SNN: variants seen among roughly 807,000 people sequenced by gnomAD.
SNN encodes stannin.
Under a neutral mutation model 5.3 loss-of-function variants are expected in SNN, and 5 were observed. The ratio of observed to expected loss-of-function variants is 0.94; its 90% CI spans 0.49 to 1.97. The LOEUF (loss-of-function observed/expected upper bound fraction) is 1.97, where lower values mean the gene tolerates loss of function less well. Ranked by LOEUF, SNN falls within the 30% of genes most tolerant of loss-of-function variation. The probability of loss-of-function intolerance (pLI) is 0.01; values close to 1 mark genes in which losing one functional copy is unlikely to be tolerated. For missense variants in SNN, 127 were observed against 121.6 expected, an observed-to-expected ratio of 1.04 and a Z score of -0.21; for synonymous variants, 67 against 52.1, an observed-to-expected ratio of 1.29 and a Z score of -1.24.
In SNN at chr16:11,676,037, CG is replaced by C; in HGVS notation, c.-22del. The C allele has an allele frequency of 6.4e-7, 1 of 1,554,078 alleles. No homozygotes were observed. Among genetic ancestry groups the C allele is most frequent in the Non-Finnish European group, 8.7e-7 (1 of 1,145,892 alleles). ...TGGCCACCCCCAAAGTGCTGCCAGC[CG>C]AGGAAGCCCCCAGCACTGACCATGT... On this transcript the variant is annotated 5_prime_UTR_variant, in exon 2 of 2. Coordinates refer to ENST00000329565, the MANE Select transcript of SNN (RefSeq NM_003498.6).
rs2141945672 is a variant in SNN, at chr16:11,679,117, T to A, written c.*2791T>A. On this transcript the variant is annotated 3_prime_UTR_variant, in exon 2 of 2. Coordinates refer to ENST00000329565, the MANE Select transcript of SNN (RefSeq NM_003498.6). This position sits in a 1 kb window ranked among gnomAD's most constrained non-coding sequence, Gnocchi z 4.6. ...CCACTGAGAAAATCTTTATTTACAA[T>A]AAATTTCAATAAAATTTGCATAAAT... 1 of 1,440,072 alleles carries A rather than the reference T, an allele frequency of 6.9e-7. No homozygotes were observed. The highest frequency in any genetic ancestry group is 1.3e-5 in the South Asian group (1 of 78,162). The allele number at this position is 1,440,072 out of a possible 1,614,324, so 89.2% of individuals were successfully genotyped here. A position where few individuals can be genotyped will look rare whatever the true frequency, so the allele number is the denominator to read the frequency against.
intron 1 of SNN, among the ~76,000 whole-genome samples, chr16:11,669,805 C>T (rs929501887): frequency 1.3e-5 from 2 of 152,088 alleles, no homozygotes; most frequent in Admixed American, 1.3e-4. Flanking sequence ...GGGGCAGTCC[C>T]GGTTCAGAGC....
chr16:11,676,487 C>T lies in SNN; in HGVS notation c.*161C>T. ...CATGCACTGATGCCCGGGGACCTGG[C>T]TGTCCTGGGCTTCCCCTCGGCCTCC... On this transcript the variant is annotated 3_prime_UTR_variant, in exon 2 of 2. Coordinates refer to ENST00000329565, the MANE Select transcript of SNN (RefSeq NM_003498.6). The T allele has an allele frequency of 1.1e-6, 1 of 876,674 alleles. No individual in the cohort carries two copies. The allele number at this position is 876,674 out of a possible 1,614,324, so 54.3% of individuals were successfully genotyped here. A position where few individuals can be genotyped will look rare whatever the true frequency, so the allele number is the denominator to read the frequency against.
At chr16:11,669,256 G>A (rs561648377) in intron 1 of SNN, among the ~76,000 whole-genome samples, 9 of 152,250 alleles carry the variant, frequency 5.9e-5, no homozygotes, top group Admixed American at 5.9e-4. Context: ...CGCCTGCCAC[G>A]CCGCCCGCGC....
rs761684651 is a variant in SNN at position 11,676,317 on chromosome 16, C to T, written c.258C>T (p.Val86=). ...AKLMTPNGPE[V]HG is the part of the protein sequence containing the mutation. Reference sequence around the variant, plus strand: ...TGATGACTCCCAACGGCCCGGAAGTCCACGGCTGAGCCAGGATGCAAGGCT... The same window carrying T: ...TGATGACTCCCAACGGCCCGGAAGTTCACGGCTGAGCCAGGATGCAAGGCT... Residue 86 remains valine (V), a synonymous_variant, in exon 2 of 2, where the codon GTC becomes GTT. Transcript: ENST00000329565. 6.2e-7 allele frequency: 1 copy of T among 1,612,054 alleles called. No individual in the cohort carries two copies. Among genetic ancestry groups the T allele is most frequent in the Non-Finnish European group, 8.5e-7 (1 of 1,178,280 alleles).
intron 1 of SNN, among the ~76,000 whole-genome samples, chr16:11,673,163 G>A (rs1353083962): frequency 2.0e-5 from 3 of 152,184 alleles, no homozygotes; most frequent in South Asian, 2.1e-4. Flanking sequence ...TGGGACGAGT[G>A]TAGACAGGCT....
intron 1 of SNN, among the ~76,000 whole-genome samples, chr16:11,670,520 C>T (rs368480591): frequency 6.2e-4 from 95 of 152,332 alleles, no homozygotes; most frequent in African/African-American, 1.9e-3. Flanking sequence ...CTGTAGCACA[C>T]AGGAAGGTGT....
At chr16:11,669,836 C>T (rs1228080032) in intron 1 of SNN, among the ~76,000 whole-genome samples, 4 of 152,106 alleles carry the variant, frequency 2.6e-5, no homozygotes, top group African/African-American at 9.7e-5. Flanking sequence ...CCCGCTTCCT[C>T]TTTTGCCACT....
intron 1 of SNN, among the ~76,000 whole-genome samples, chr16:11,673,349 G>A (rs914972027): frequency 6.6e-6 from 1 of 152,172 alleles, no homozygotes; most frequent in African/African-American, 2.4e-5. Flanking sequence ...ATGGCCCGCT[G>A]GAGGGAGAGG....
rs1414617511 is a variant in SNN, at chr16:11,672,835, A to G, written c.-85-3140A>G. Among the ~76,000 whole-genome samples the G allele has an allele frequency of 6.6e-6, 1 of 151,960 alleles. No homozygotes were observed. The highest frequency in any genetic ancestry group is 1.5e-5 in the Non-Finnish European group (1 of 67,996). ...CCGCCTGTGCCTCAGTTTCCTCATT[A>G]GTCCTGGGGCCAGTGGTTGAACTGG... On this transcript the variant is annotated intron_variant, in intron 1 of 1. Transcript: ENST00000329565. This position sits in a 1 kb window ranked among gnomAD's most constrained non-coding sequence, Gnocchi z 6.0.
chr16:11,672,367 C>T lies in SNN; in HGVS notation c.-85-3608C>T, dbSNP rs1337798321. 4.6e-5 allele frequency among the ~76,000 whole-genome samples: 7 copies of T among 151,992 alleles called. No individual in the cohort carries two copies. The highest frequency in any genetic ancestry group is 8.8e-5 in the Non-Finnish European group (6 of 67,966). On this transcript the variant is annotated intron_variant, in intron 1 of 1. Coordinates refer to ENST00000329565, the MANE Select transcript of SNN (RefSeq NM_003498.6). This position sits in a 1 kb window ranked among gnomAD's most constrained non-coding sequence, Gnocchi z 6.0. ...TAGTGGTGGGGTGTGGGAGGAGGGG[C>T]GCCTGGGTCCAGGGTGGTCTGGGAG...
Position 11,678,055 on chromosome 16 carries a change from A to C in SNN, c.*1729A>C, listed in dbSNP as rs1487579688. The C allele has an allele frequency of 1.2e-5, 2 of 167,146 alleles. No homozygotes were observed. The highest frequency in any genetic ancestry group is 2.9e-5 in the Non-Finnish European group (2 of 68,164). The allele number at this position is 167,146 out of a possible 1,614,324, so 10.4% of individuals were successfully genotyped here. On this transcript the variant is annotated 3_prime_UTR_variant, in exon 2 of 2. Transcript: ENST00000329565. Reference sequence around the variant, plus strand: ...GCAGAAGGTGGTAATGAAACACCTCAGCTGGGCTCTTGGGAGACCTTAGGA... The same window carrying C: ...GCAGAAGGTGGTAATGAAACACCTCCGCTGGGCTCTTGGGAGACCTTAGGA...
In SNN at chr16:11,678,570, TTTC is replaced by T. The variant is rs2050328156; in HGVS notation, c.*2247_*2249del. Reference sequence around the variant, plus strand: ...CCTCATCAGTTTCACTTCTGGAGGTTTTCTTATCCTACTCCCTGGTGCCAGGGA... The same window carrying T: ...CCTCATCAGTTTCACTTCTGGAGGTTTTATCCTACTCCCTGGTGCCAGGGA... On this transcript the variant is annotated 3_prime_UTR_variant, in exon 2 of 2. Transcript: ENST00000329565. 1 of 167,114 alleles carries T rather than the reference TTTC, an allele frequency of 6.0e-6. No homozygotes were observed. Among genetic ancestry groups the T allele is most frequent in the East Asian group, 1.9e-4 (1 of 5,202 alleles). The allele number at this position is 167,114 out of a possible 1,614,324, so 10.4% of individuals were successfully genotyped here. A position where few individuals can be genotyped will look rare whatever the true frequency, so the allele number is the denominator to read the frequency against.
intron 1 of SNN, among the ~76,000 whole-genome samples, chr16:11,674,563 C>G (rs1015283800): frequency 3.9e-5 from 6 of 152,260 alleles, no homozygotes; most frequent in Non-Finnish European, 8.8e-5. Context: ...AACTCCGTGG[C>G]TCGGCCAGGT....
At chr16:11,673,011 C>T (rs2050275870) in intron 1 of SNN, among the ~76,000 whole-genome samples, 2 of 152,174 alleles carry the variant, frequency 1.3e-5, no homozygotes, top group Non-Finnish European at 2.9e-5. Flanking sequence ...TTGATACTGA[C>T]TTGTCTTCCT....
rs911679773 is a variant in SNN at position 11,678,039 on chromosome 16, G to A, written c.*1713G>A. The A allele has an allele frequency of 6.0e-6, 1 of 167,186 alleles. No homozygotes were observed. 10.4% of individuals were successfully genotyped at this position (167,186 alleles called of 1,614,324 possible). On this transcript the variant is annotated 3_prime_UTR_variant, in exon 2 of 2. Coordinates refer to ENST00000329565, the MANE Select transcript of SNN (RefSeq NM_003498.6). ...CGGCTGGGCCACCTGAGCAGAAGGTGGTAATGAAACACCTCAGCTGGGCTC... is the reference window on the plus strand; with the variant it reads ...CGGCTGGGCCACCTGAGCAGAAGGTAGTAATGAAACACCTCAGCTGGGCTC...
rs2050305946 is a variant in SNN at position 11,676,555 on chromosome 16, G to A, written c.*229G>A. 5.2e-6 allele frequency: 3 copies of A among 573,458 alleles called. No homozygotes were observed. Among genetic ancestry groups the A allele is most frequent in the East Asian group, 5.7e-5 (2 of 35,246 alleles). The allele number at this position is 573,458 out of a possible 1,614,324, so 35.5% of individuals were successfully genotyped here. On this transcript the variant is annotated 3_prime_UTR_variant, in exon 2 of 2. Coordinates refer to ENST00000329565, the MANE Select transcript of SNN (RefSeq NM_003498.6). ...GCAGGCACTGGGCAGGCCTGACCTTGCTGGGGCTCATGGCCCTGTAGCGCT... is the reference window on the plus strand; with the variant it reads ...GCAGGCACTGGGCAGGCCTGACCTTACTGGGGCTCATGGCCCTGTAGCGCT...
rs8191291 is a variant in SNN, at chr16:11,672,256, G to A, written c.-86+3716G>A. ...CTTGGACTGCCTTGGAGTCCAGTGC[G>A]GGGAGTGAGACAGCAGCCAGGGGAC... On this transcript the variant is annotated intron_variant, in intron 1 of 1. Coordinates refer to ENST00000329565, the MANE Select transcript of SNN (RefSeq NM_003498.6). This position sits in a 1 kb window ranked among gnomAD's most constrained non-coding sequence, Gnocchi z 6.0. Among the ~76,000 whole-genome samples, 77 of 152,302 alleles carry A rather than the reference G, an allele frequency of 5.1e-4. No homozygotes were observed. The highest frequency in any genetic ancestry group is 9.6e-4 in the Non-Finnish European group (65 of 68,024).
chr16:11,676,085 C>T lies in SNN; in HGVS notation c.26C>T (p.Thr9Ile). The change falls in exon 2 of 2, where the codon ACC becomes ATC. Residue 9 changes from threonine (T) to isoleucine (I), a missense_variant. Coordinates refer to ENST00000329565, the MANE Select transcript of SNN (RefSeq NM_003498.6). ...ATGTCTATTATGGACCACAGCCCCA[C>T]CACGGGCGTGGTCACAGTCATCGTC... MSIMDHSP[T>I]TGVVTVIVIL... 6.2e-7 allele frequency: 1 copy of T among 1,611,130 alleles called. No individual in the cohort carries two copies. Among genetic ancestry groups the T allele is most frequent in the African/African-American group, 1.3e-5 (1 of 75,014 alleles).
Sources: gnomAD v4.1 joint callset for allele counts (sites outside exome capture counted in the v4.1 genomes callset) on GRCh38, gnomAD v4.1.1 for gene constraint, Gnocchi (gnomAD v3.1) non-coding constraint, MANE v1.5 for transcripts, NCBI Gene and HGNC (gene_info 2026-07-23, HGNC 2026-07-21) for gene names.